ADAM32: variants seen among roughly 807,000 people sequenced by gnomAD.
ADAM32 encodes the protein ADAM metallopeptidase domain 32.
A neutral mutation model predicts 114.9 loss-of-function variants in ADAM32; 89 were observed. That is an observed-to-expected ratio of 0.77 (90% CI 0.65 to 0.92). ADAM32 has a LOEUF of 0.92. ADAM32 is among the 40% of genes least tolerant of loss of function. The probability of loss-of-function intolerance (pLI) is 0.00; values close to 1 mark genes in which losing one functional copy is unlikely to be tolerated. For missense variants in ADAM32, 870 were observed against 932.8 expected (o/e 0.93, Z 0.88); for synonymous variants, 285 against 307.5 (o/e 0.93, Z 0.77).
intron 2 of ADAM32, among the ~76,000 whole-genome samples, chr8:39,130,325 G>C (rs1802367659): frequency 6.6e-6 from 1 of 151,704 alleles, no homozygotes; most frequent in South Asian, 2.1e-4. Flanking sequence ...CCATTTTGTT[G>C]ATCTTTTCAA....
chr8:39,142,851 A>G (rs1198979112), intron 3 of ADAM32, among the ~76,000 whole-genome samples: 1 of 152,082 alleles, frequency 6.6e-6, no homozygotes, highest in Admixed American at 6.5e-5. Flanking sequence ...AATCAAACAT[A>G]TATTTGGTAT....
intron 2 of ADAM32, among the ~76,000 whole-genome samples, chr8:39,132,985 A>C (rs541448352): frequency 1.9e-4 from 29 of 152,196 alleles, no homozygotes; most frequent in African/African-American, 6.5e-4. Flanking sequence ...CTGGAATTTT[A>C]GATGTGTAGA....
intron 19 of ADAM32, among the ~76,000 whole-genome samples, chr8:39,269,544 C>T (rs1460404788): frequency 1.3e-5 from 2 of 152,134 alleles, no homozygotes; most frequent in East Asian, 1.9e-4. Context: ...ATTTTTCTTT[C>T]CTCTCTGTCC....
intron 1 of ADAM32, among the ~76,000 whole-genome samples, chr8:39,117,643 C>T (rs1045861210): frequency 6.6e-6 from 1 of 151,942 alleles, no homozygotes; most frequent in Non-Finnish European, 1.5e-5. Flanking sequence ...TTATACATAA[C>T]ATGATTTTCT....
chr8:39,109,371 C>A (rs1303180621), intron 1 of ADAM32, among the ~76,000 whole-genome samples: 4 of 151,922 alleles, frequency 2.6e-5, no homozygotes, highest in African/African-American at 9.7e-5. Context: ...CATGGTGAAA[C>A]CCCATTGCTA....
intron 16 of ADAM32, among the ~76,000 whole-genome samples, chr8:39,239,214 C>T (rs1030062178): frequency 2.0e-5 from 3 of 152,132 alleles, no homozygotes; most frequent in Non-Finnish European, 4.4e-5. Flanking sequence ...AGATTAACAG[C>T]AGATTTCTCA....
intron 3 of ADAM32, among the ~76,000 whole-genome samples, chr8:39,144,866 A>T (rs79621151): frequency 0.04 from 6,151 of 152,236 alleles, 433 homozygotes; most frequent in African/African-American, 0.14. Context: ...AGAAATGTTA[A>T]ATTGTTCCTG....
intron 2 of ADAM32, among the ~76,000 whole-genome samples, chr8:39,134,255 G>A (rs774052862): frequency 6.6e-6 from 1 of 151,982 alleles, no homozygotes; most frequent in Non-Finnish European, 1.5e-5. Flanking sequence ...CTTGGGTATC[G>A]AAGGGTGAGT....
chr8:39,206,479 C>T (rs941220244), intron 11 of ADAM32, among the ~76,000 whole-genome samples: 1 of 152,150 alleles, frequency 6.6e-6, no homozygotes, highest in African/African-American at 2.4e-5. Flanking sequence ...TCCTCAGGCC[C>T]CAGGACAGCA....
chr8:39,269,156 T>C (rs925952891), intron 19 of ADAM32, among the ~76,000 whole-genome samples: 1 of 152,210 alleles, frequency 6.6e-6, no homozygotes, highest in African/African-American at 2.4e-5. Context: ...CTGTGAACCC[T>C]AGCTGCCTTG....
chr8:39,187,597 A>C (rs1388690791), intron 11 of ADAM32, among the ~76,000 whole-genome samples: 1 of 152,212 alleles, frequency 6.6e-6, no homozygotes, highest in African/African-American at 2.4e-5. Context: ...TGTCAGCAGA[A>C]CATAATAAGT....
intron 12 of ADAM32, among the ~76,000 whole-genome samples, chr8:39,218,281 G>A (rs1036075128): frequency 6.6e-6 from 1 of 152,062 alleles, no homozygotes; most frequent in Admixed American, 6.6e-5. Flanking sequence ...ACATTCCTGT[G>A]GCCACCACCA....
chr8:39,283,719 T>A (rs1813591913), intron 24 of ADAM32, 95 bp downstream of exon 24: 1 of 959,842 alleles, frequency 1.0e-6, no homozygotes, highest in Non-Finnish European at 1.6e-6. Context: ...ATGGACTGGG[T>A]AGATGAATTG....
chr8:39,254,484 A>C lies in ADAM32; in HGVS notation c.1973A>C (p.Lys658Thr), dbSNP rs773571375. ...CCTCCAAACTGCCAAATACGTTCCA[A>C]AGGATTTTCCATATTTCCTGAGGAA... is the stretch of plus-strand genomic sequence containing the variant. ...YKPPNCQIRS[K>T]GFSIFPEEDM... Residue 658 changes from lysine to threonine, a missense_variant, in exon 18 of 25, where the codon AAA becomes ACA. Lys to Thr is a moderately conservative substitution (Grantham distance 78). Coordinates refer to ENST00000379907, the MANE Select transcript of ADAM32 (RefSeq NM_145004.7). The C allele has an allele frequency of 1.2e-5, 19 of 1,594,572 alleles. No homozygotes were observed. The highest frequency in any genetic ancestry group is 1.6e-5 in the Non-Finnish European group (19 of 1,169,684).
At chr8:39,230,022 C>T (rs1809638443) in intron 14 of ADAM32, among the ~76,000 whole-genome samples, 1 of 152,106 alleles carries the variant, frequency 6.6e-6, no homozygotes. Flanking sequence ...ATCTCAGACA[C>T]CCACATTTAT....
chr8:39,183,870 A>G (rs1047509612), intron 10 of ADAM32, among the ~76,000 whole-genome samples: 2 of 152,242 alleles, frequency 1.3e-5, no homozygotes, highest in Non-Finnish European at 2.9e-5. Context: ...TGTAGAAGAC[A>G]CTCTTTAAGC....
intron 22 of ADAM32, among the ~76,000 whole-genome samples, chr8:39,279,887 T>C (rs1049199420): frequency 1.3e-5 from 2 of 152,136 alleles, no homozygotes; most frequent in Admixed American, 6.5e-5. Flanking sequence ...GAGGCATGCA[T>C]TGGGAGGATG....
intron 14 of ADAM32, among the ~76,000 whole-genome samples, chr8:39,225,239 C>T (rs1809276443): frequency 1.3e-5 from 2 of 152,214 alleles, no homozygotes; most frequent in Admixed American, 1.3e-4. Flanking sequence ...GACAGTGCAG[C>T]TATGTGTGAG....
intron 12 of ADAM32, chr8:39,221,076 A>G (rs1218252838): frequency 6.6e-6 from 1 of 151,452 alleles, no homozygotes; most frequent in Admixed American, 6.6e-5. Context: ...TGCTTTATAT[A>G]TTTGGGTTCA....
Sources: gnomAD v4.1 joint callset for allele counts (sites outside exome capture counted in the v4.1 genomes callset) on GRCh38, gnomAD v4.1.1 for gene constraint, MANE v1.5 for transcripts, NCBI Gene and HGNC (gene_info 2026-07-23, HGNC 2026-07-21) for gene names.